Variants in NR3C1 observed in about 807,000 individuals in gnomAD.
NR3C1 encodes nuclear receptor subfamily 3 group C member 1.
A neutral mutation model predicts 74.0 loss-of-function variants in NR3C1; 14 were observed. The observed-to-expected ratio is 0.19, with a 90% CI of 0.12 to 0.30. NR3C1 has a LOEUF of 0.30. Among genes scored for constraint, NR3C1 ranks in the 10% least tolerant of loss-of-function variants. NR3C1 has a pLI of 1.00. For synonymous variants in NR3C1, 308 were observed against 332.5 expected, an observed-to-expected ratio of 0.93 and a Z score of 0.80; for missense variants, 695 against 909.8, an observed-to-expected ratio of 0.76 and a Z score of 3.04.
At chr5:143,344,887 C>A (rs531306726) in intron 2 of NR3C1, among the ~76,000 whole-genome samples, 1 of 151,966 alleles carries the variant, frequency 6.6e-6, no homozygotes, top group Non-Finnish European at 1.5e-5. Flanking sequence ...CCCACCCTCA[C>A]CCCCCACAAA....
chr5:143,400,234 C>A lies in NR3C1; in HGVS notation c.606G>T (p.Gly202=). Residue 202 remains glycine (G), a synonymous_variant, in exon 2 of 9, where the codon GGG becomes GGT. Transcript: ENST00000394464. ...DILQDLEFSS[G]SPGKETNESP... ...TCTCATTCGTCTCTTTACCTGGGGA[C>A]CCAGAAGAAAACTCCAAATCCTGCA... 1 of 1,599,106 alleles carries A rather than the reference C, an allele frequency of 6.3e-7. No homozygotes were observed. Among genetic ancestry groups the A allele is most frequent in the Non-Finnish European group, 8.5e-7 (1 of 1,173,908 alleles).
upstream of NR3C1, chr5:143,405,420 C>T (rs1293597072): frequency 8.6e-6 from 8 of 932,116 alleles, no homozygotes; most frequent in South Asian, 1.5e-4. Flanking sequence ...AGCCGCCCGC[C>T]GCCATCTTGG....
chr5:143,398,976 C>T (rs1839753510), intron 2 of NR3C1, among the ~76,000 whole-genome samples: 1 of 152,142 alleles, frequency 6.6e-6, no homozygotes, highest in Non-Finnish European at 1.5e-5. Flanking sequence ...TTGTTTTGCA[C>T]CATGTTGACA....
chr5:143,309,114 G>A (rs1306463597), intron 4 of NR3C1, among the ~76,000 whole-genome samples: 4 of 141,848 alleles, frequency 2.8e-5, no homozygotes, highest in African/African-American at 1.1e-4. Flanking sequence ...TTGCTCTGTC[G>A]CCAAGCTGGA....
At position 143,279,567 on chromosome 5, in the gene NR3C1, C is replaced by T; in HGVS notation, c.*2322G>A. 1.9e-6 allele frequency: 1 copy of T among 537,516 alleles called. No homozygotes were observed. 33.3% of individuals were successfully genotyped at this position (537,516 alleles called of 1,614,324 possible). On this transcript the variant is annotated 3_prime_UTR_variant, in exon 9 of 9. Transcript: ENST00000394464. The stretch of plus-strand genomic sequence containing the variant: ...ATTACATTCCCTTTTAGAGAGCATT[C>T]AAAAAGCAAATGATTGTTTTTTTAT...
chr5:143,316,839 TAGTATTA>T (rs1339971987), intron 2 of NR3C1, among the ~76,000 whole-genome samples: 1 of 152,192 alleles, frequency 6.6e-6, no homozygotes, highest in Non-Finnish European at 1.5e-5. Flanking sequence ...AAATGGAAGG[TAGTATTA>T]AGTCTAAATC....
intron 4 of NR3C1, among the ~76,000 whole-genome samples, chr5:143,307,714 A>G (rs1442297246): frequency 6.6e-6 from 1 of 152,234 alleles, no homozygotes; most frequent in Non-Finnish European, 1.5e-5. Context: ...AAAATAAACC[A>G]AAGGGCACTA....
At chr5:143,409,782 C>T (rs932540372) in intron 1 of NR3C1, among the ~76,000 whole-genome samples, 1 of 152,168 alleles carries the variant, frequency 6.6e-6, no homozygotes, top group African/African-American at 2.4e-5. Context: ...TGGTATTCCT[C>T]GTTGTAATTA....
At chr5:143,365,700 C>A (rs1477203496) in intron 2 of NR3C1, among the ~76,000 whole-genome samples, 2 of 152,180 alleles carry the variant, frequency 1.3e-5, no homozygotes, top group Non-Finnish European at 2.9e-5. Context: ...AAGCAGAATA[C>A]ACATTCTTCT....
intron 2 of NR3C1, among the ~76,000 whole-genome samples, chr5:143,351,467 T>C (rs1444837630): frequency 1.3e-5 from 2 of 152,192 alleles, no homozygotes; most frequent in Admixed American, 6.5e-5. Flanking sequence ...AAGAATAATT[T>C]TCCTCTTTTG....
chr5:143,308,491 T>C (rs1386841824), intron 4 of NR3C1, among the ~76,000 whole-genome samples: 4 of 152,052 alleles, frequency 2.6e-5, no homozygotes, highest in Admixed American at 1.3e-4. Flanking sequence ...ATCATAATCA[T>C]AAAAGGAACC....
chr5:143,313,969 G>C, intron 3 of NR3C1, 33 bp downstream of exon 3: 1 of 1,609,848 alleles, frequency 6.2e-7, no homozygotes, highest in South Asian at 1.1e-5. Context: ...AAACCAAGTA[G>C]AGGAAAAATA....
At chr5:143,411,667 A>G (rs1306220485) in intron 1 of NR3C1, among the ~76,000 whole-genome samples, 2 of 152,214 alleles carry the variant, frequency 1.3e-5, no homozygotes, top group African/African-American at 2.4e-5. Flanking sequence ...AGAATTTACT[A>G]TTAAGAGTGT....
rs60607518 is a variant in NR3C1 at position 143,354,922 on chromosome 5, CAAAAAAA to C, written c.1185-40761_1185-40755del. Among the ~76,000 whole-genome samples, 7 of 48,974 alleles carry C rather than the reference CAAAAAAA, an allele frequency of 1.4e-4. No individual in the cohort carries two copies. The East Asian group carries it at 1.8e-3, about 12-fold the overall frequency. 32.1% of individuals were successfully genotyped at this position (48,974 alleles called of 152,430 possible). A position where few individuals can be genotyped will look rare whatever the true frequency, so the allele number is the denominator to read the frequency against. On this transcript the variant is annotated intron_variant, in intron 2 of 8. Transcript: ENST00000394464. ...TGGGTGACAGAGCAAAAGTCCGTCT[CAAAAAAA>C]AAAAAAAAAAGAAAAAATCAAAGAT...
rs983670372 is a variant in NR3C1, at chr5:143,278,506, A to C, written c.*3383T>G. ...CAGGTTGCTTGAAAATAGTCTGGGA[A>C]ATTACGAAACTCCACCCAAAGGGTT... On this transcript the variant is annotated 3_prime_UTR_variant, in exon 9 of 9. Coordinates refer to ENST00000394464, the MANE Select transcript of NR3C1 (RefSeq NM_000176.3). 20 of 152,284 alleles carry C rather than the reference A, an allele frequency of 1.3e-4. No individual in the cohort carries two copies. Among genetic ancestry groups the C allele is most frequent in the Middle Eastern group, 3.4e-3 (1 of 294 alleles). 9.4% of individuals were successfully genotyped at this position (152,284 alleles called of 1,614,324 possible).
At position 143,344,441 on chromosome 5, in the gene NR3C1, C is replaced by T. The variant is rs1247822700; in HGVS notation, c.1185-30273G>A. On this transcript the variant is annotated intron_variant, in intron 2 of 8. Transcript: ENST00000394464. ...AAACCTTATGCATTATTACTAGCCC[C>T]ATTTTATGAATGAGGACATTTAAGC... 2.0e-5 allele frequency among the ~76,000 whole-genome samples: 3 copies of T among 152,300 alleles called. No individual in the cohort carries two copies. The East Asian group carries it at 5.8e-4, about 29-fold the overall frequency.
intron 7 of NR3C1, chr5:143,294,489 C>T (rs967418894): frequency 2.9e-4 from 57 of 199,906 alleles, no homozygotes; most frequent in Non-Finnish European, 2.4e-4. Context: ...CTGTCCCACA[C>T]ATCATCACCC....
intron 2 of NR3C1, among the ~76,000 whole-genome samples, chr5:143,333,676 G>A (rs1418579229): frequency 6.6e-6 from 1 of 152,148 alleles, no homozygotes; most frequent in African/African-American, 2.4e-5. Context: ...GCTAAGGCAG[G>A]AAAATCGCTT....
chr5:143,350,433 T>C (rs1830031314), intron 2 of NR3C1, among the ~76,000 whole-genome samples: 2 of 152,138 alleles, frequency 1.3e-5, no homozygotes, highest in Admixed American at 1.3e-4. Flanking sequence ...AGGGATTATG[T>C]CCAGATTTCT....
Sources: allele counts gnomAD v4.1 joint callset (sites outside exome capture counted in the v4.1 genomes callset), GRCh38; gene constraint gnomAD v4.1.1; transcripts MANE v1.5; gene names NCBI Gene and HGNC (gene_info 2026-07-23, HGNC 2026-07-21).